The following ADAMTSL3 variants were observed in gnomAD, a reference collection of about 807,000 sequenced individuals.
The protein encoded by ADAMTSL3 is ADAMTS-like protein 3.
ADAMTSL3 carries 128 observed loss-of-function variants against 201.7 expected under a neutral mutation model. The ratio of observed to expected loss-of-function variants is 0.63; its 90% CI spans 0.55 to 0.73. The LOEUF (loss-of-function observed/expected upper bound fraction) is 0.73. Ranked by LOEUF, ADAMTSL3 falls within the 30% of genes least tolerant of loss-of-function variation. ADAMTSL3 has a pLI of 0.00. For synonymous variants in ADAMTSL3, 738 were observed against 748.4 expected (o/e 0.99, Z 0.23); for missense variants, 1,990 against 2,119.6 (o/e 0.94, Z 1.20).
chr15:83,656,314 C>T (rs1036895996), intron 2 of ADAMTSL3, among the ~76,000 whole-genome samples: 35 of 152,274 alleles, frequency 2.3e-4, no homozygotes, highest in African/African-American at 7.0e-4. Context: ...TGAGAGGACC[C>T]GGCTCATGAA....
At position 83,892,874 on chromosome 15, in the gene ADAMTSL3, A is replaced by T; in HGVS notation, c.1453A>T (p.Met485Leu). 4 of 1,614,106 alleles carry T rather than the reference A, an allele frequency of 2.5e-6. No individual in the cohort carries two copies. Among genetic ancestry groups the T allele is most frequent in the Non-Finnish European group, 3.4e-6 (4 of 1,180,008 alleles). The change falls in exon 13 of 30, where the codon ATG becomes TTG. Residue 485 changes from methionine to leucine, a missense_variant. By Grantham distance (15) the Met-to-Leu change is conservative. Transcript: ENST00000286744. ...GTTTGATTGCCCCAAGTGGATTGCC[A>T]TGGAGTGGTCTCAGGTAAGATTTGA... ...NLFDCPKWIA[M>L]EWSQCTVTCG...
Position 83,820,052 on chromosome 15 carries a change from G to A in ADAMTSL3, c.600+5G>A. On this transcript the variant is annotated splice_donor_5th_base_variant and intron_variant, in intron 6 of 29. Transcript: ENST00000286744. ...TGTATCAGTGGCATCTGTCAGGTAA[G>A]CACACTTACCTCCCAATCCCCTGCT... 1.2e-6 allele frequency: 2 copies of A among 1,611,016 alleles called. No individual in the cohort carries two copies. The highest frequency in any genetic ancestry group is 2.2e-5 in the East Asian group (1 of 44,854).
intron 13 of ADAMTSL3, among the ~76,000 whole-genome samples, chr15:83,895,331 A>G (rs1218517145): frequency 6.6e-6 from 1 of 152,168 alleles, no homozygotes; most frequent in African/African-American, 2.4e-5. Flanking sequence ...CATTATTTCT[A>G]CAACTGCAGA....
intron 8 of ADAMTSL3, among the ~76,000 whole-genome samples, chr15:83,860,887 C>T (rs762951449): frequency 7.9e-5 from 12 of 152,162 alleles, no homozygotes; most frequent in Non-Finnish European, 1.2e-4. Flanking sequence ...ACCCGGGAAG[C>T]GCAATGGGTC....
intron 9 of ADAMTSL3, among the ~76,000 whole-genome samples, chr15:83,881,717 T>C (rs767002063): frequency 4.6e-5 from 7 of 151,962 alleles, no homozygotes; most frequent in Non-Finnish European, 2.9e-5. Flanking sequence ...TAGCTAGGCA[T>C]GATAGTGTGC....
chr15:83,749,498 A>G (rs763125086), intron 3 of ADAMTSL3, among the ~76,000 whole-genome samples: 7 of 152,204 alleles, frequency 4.6e-5, no homozygotes, highest in South Asian at 2.1e-4. Context: ...GGACAGAACA[A>G]TTGGACTGCA....
At chr15:83,904,363 G>C (rs1293676000) in intron 15 of ADAMTSL3, among the ~76,000 whole-genome samples, 1 of 151,962 alleles carries the variant, frequency 6.6e-6, no homozygotes, top group African/African-American at 2.4e-5. Context: ...TCAGCTTCCA[G>C]TGCATCCTTT....
chr15:83,837,337 A>G (rs964892219), intron 6 of ADAMTSL3, among the ~76,000 whole-genome samples: 1 of 152,090 alleles, frequency 6.6e-6, no homozygotes, highest in Non-Finnish European at 1.5e-5. Context: ...AAACAGAAAA[A>G]AAAAAGATAT....
chr15:83,750,059 A>G (rs2062614022), intron 3 of ADAMTSL3, among the ~76,000 whole-genome samples: 1 of 152,198 alleles, frequency 6.6e-6, no homozygotes, highest in Non-Finnish European at 1.5e-5. Context: ...TATTTTGGAT[A>G]TTTGTTTATT....
chr15:83,980,994 C>T (rs1019160615), intron 20 of ADAMTSL3, among the ~76,000 whole-genome samples: 3 of 152,192 alleles, frequency 2.0e-5, no homozygotes, highest in African/African-American at 7.2e-5. Flanking sequence ...TAACTGGGGT[C>T]CCCCAAGGTA....
At chr15:84,033,983 G>T (rs1461635547) in intron 28 of ADAMTSL3, among the ~76,000 whole-genome samples, 1 of 152,176 alleles carries the variant, frequency 6.6e-6, no homozygotes, top group East Asian at 1.9e-4. Flanking sequence ...AGAGCTGGGG[G>T]TGAGTCAGAG....
At chr15:83,912,443 A>G (rs1313423737) in intron 15 of ADAMTSL3, among the ~76,000 whole-genome samples, 1 of 152,204 alleles carries the variant, frequency 6.6e-6, no homozygotes, top group Non-Finnish European at 1.5e-5. Flanking sequence ...GCCAGATTTG[A>G]CCTGCTAGTC....
chr15:83,820,010 C>A lies in ADAMTSL3; in HGVS notation c.563C>A (p.Thr188Lys). ...PKVLDGTRCN[T>K]DSLDMCISGI... The stretch of plus-strand genomic sequence containing the variant: ...GTACTGGATGGAACTCGTTGCAACA[C>A]GGACTCCTTGGACATGTGTATCAGT... The change falls in exon 6 of 30, where the codon ACG becomes AAG. Residue 188 changes from threonine (T) to lysine (K), a missense_variant. Transcript: ENST00000286744. 1 of 1,614,100 alleles carries A rather than the reference C, an allele frequency of 6.2e-7. No homozygotes were observed. The highest frequency in any genetic ancestry group is 8.5e-7 in the Non-Finnish European group (1 of 1,180,020).
chr15:83,959,839 AC>A (rs2066929736), intron 19 of ADAMTSL3, among the ~76,000 whole-genome samples: 1 of 152,188 alleles, frequency 6.6e-6, no homozygotes, highest in African/African-American at 2.4e-5. Context: ...GCTTACTTTA[AC>A]TTAGCAGACA....
chr15:83,905,294 T>C lies in ADAMTSL3; in HGVS notation c.1700+5563T>C, dbSNP rs550525733. On this transcript the variant is annotated intron_variant, in intron 15 of 29. Coordinates refer to ENST00000286744, the MANE Select transcript of ADAMTSL3 (RefSeq NM_207517.3). Reference sequence around the variant, plus strand: ...GCATTATAATTACGTTATGGTGTTATTCGGGATCAGGGATGGTTTCCGGAA... The same window carrying C: ...GCATTATAATTACGTTATGGTGTTACTCGGGATCAGGGATGGTTTCCGGAA... 1.7e-4 allele frequency among the ~76,000 whole-genome samples: 26 copies of C among 152,318 alleles called. No individual in the cohort carries two copies. The South Asian group carries it at 5.2e-3, about 30-fold the overall frequency.
chr15:83,924,808 T>C (rs2066218333), intron 17 of ADAMTSL3, among the ~76,000 whole-genome samples: 1 of 152,158 alleles, frequency 6.6e-6, no homozygotes, highest in Non-Finnish European at 1.5e-5. Flanking sequence ...CTTATTATCT[T>C]GTGACCCCTC....
intron 7 of ADAMTSL3, among the ~76,000 whole-genome samples, chr15:83,839,254 C>T (rs1334675027): frequency 1.3e-5 from 2 of 152,014 alleles, no homozygotes; most frequent in African/African-American, 4.8e-5. Context: ...CTTATTTTCC[C>T]AAATGGGGAA....
At chr15:84,019,041 C>A (rs1383322761) in intron 25 of ADAMTSL3, among the ~76,000 whole-genome samples, 1 of 148,740 alleles carries the variant, frequency 6.7e-6, no homozygotes, top group Admixed American at 6.8e-5. Context: ...AGAACTCCCA[C>A]AAGTTATCAA....
chr15:83,832,927 C>T (rs1024465138), intron 6 of ADAMTSL3, among the ~76,000 whole-genome samples: 1 of 152,080 alleles, frequency 6.6e-6, no homozygotes, highest in Non-Finnish European at 1.5e-5. Context: ...GCTCTGCAGA[C>T]CAAGTTTGAT....
Sources: gnomAD v4.1 joint callset for allele counts (sites outside exome capture counted in the v4.1 genomes callset) on GRCh38, gnomAD v4.1.1 for gene constraint, MANE v1.5 for transcripts, NCBI Gene and HGNC (gene_info 2026-07-23, HGNC 2026-07-21) for gene names.